Variants in LRRTM4 observed in about 807,000 individuals in gnomAD.
The protein encoded by LRRTM4 is leucine rich repeat transmembrane neuronal 4.
In LRRTM4, 25 loss-of-function variants were observed where a neutral mutation model predicts 47.6. The observed-to-expected ratio is 0.53, with a 90% CI of 0.38 to 0.73. The LOEUF is 0.73. Among genes scored for constraint, LRRTM4 ranks in the 30% least tolerant of loss-of-function variants. The pLI, the probability that LRRTM4 is intolerant of heterozygous loss-of-function variation, is 0.00. For missense variants in LRRTM4, 638 were observed against 713.4 expected, an observed-to-expected ratio of 0.89 and a Z score of 1.20; for synonymous variants, 311 against 269.5, an observed-to-expected ratio of 1.15 and a Z score of -1.51.
chr2:77,294,107 C>G (rs1415823429), intron 3 of LRRTM4, among the ~76,000 whole-genome samples: 4 of 151,994 alleles, frequency 2.6e-5, no homozygotes, highest in African/African-American at 9.7e-5. Context: ...TTTTTCTTAT[C>G]TCTGGATTGT....
rs962201708 is a variant in LRRTM4, at chr2:76,798,047, A to G, written c.1552-49131T>C. ...TCAACATTAGACAGATCAATGAGAC[A>G]GAAAGTCAACAAGGATACCCAGGAA... is the stretch of plus-strand genomic sequence containing the variant. On this transcript the variant is annotated intron_variant, in intron 3 of 3. Coordinates refer to ENST00000409884, the MANE Select transcript of LRRTM4 (RefSeq NM_001134745.3). Among the ~76,000 whole-genome samples the G allele has an allele frequency of 1.2e-4, 18 of 150,032 alleles. 1 individual carries two copies. Among genetic ancestry groups the G allele is most frequent in the Non-Finnish European group, 2.4e-4 (16 of 67,654 alleles).
Position 77,316,881 on chromosome 2 carries a change from A to G in LRRTM4, c.1551+201437T>C, listed in dbSNP as rs139751921. On this transcript the variant is annotated intron_variant, in intron 3 of 3. Coordinates refer to ENST00000409884, the MANE Select transcript of LRRTM4 (RefSeq NM_001134745.3). ...TTGAAAGGCAATTTGCCAATTAAGT[A>G]TCAGAAATCTTTAAATTGTGCCTGC... 5.6e-3 allele frequency among the ~76,000 whole-genome samples: 852 copies of G among 152,330 alleles called. 13 individuals are homozygous for G. The highest frequency in any genetic ancestry group is 0.053 in the South Asian group (255 of 4,824).
chr2:76,751,449 C>A (rs1030942259), intron 3 of LRRTM4, among the ~76,000 whole-genome samples: 7 of 152,074 alleles, frequency 4.6e-5, no homozygotes, highest in Non-Finnish European at 1.5e-5. Context: ...AAAATACATA[C>A]TAGGTCAGAG....
At chr2:76,954,000 T>C (rs112135532) in intron 3 of LRRTM4, among the ~76,000 whole-genome samples, 4,195 of 151,806 alleles carry the variant, frequency 0.028, 95 homozygotes, top group Non-Finnish European at 0.042. Flanking sequence ...ACAGAGAAAC[T>C]ACGTGCACAA....
chr2:77,094,242 G>A (rs1670745256), intron 3 of LRRTM4, among the ~76,000 whole-genome samples: 1 of 152,088 alleles, frequency 6.6e-6, no homozygotes, highest in Admixed American at 6.6e-5. Flanking sequence ...TGAAAGAGCT[G>A]TACAATCAAC....
chr2:76,966,291 A>G (rs1676021253), intron 3 of LRRTM4, among the ~76,000 whole-genome samples: 1 of 151,286 alleles, frequency 6.6e-6, no homozygotes, highest in African/African-American at 2.4e-5. Context: ...GAGGTAGAGG[A>G]GAAGAATGGG....
intron 3 of LRRTM4, among the ~76,000 whole-genome samples, chr2:76,973,498 T>C (rs1176139863): frequency 6.6e-5 from 10 of 151,960 alleles, no homozygotes; most frequent in East Asian, 3.9e-4. Flanking sequence ...ACTTTTCCCA[T>C]TGTCTAAAGT....
chr2:77,168,410 T>C (rs759030688), intron 3 of LRRTM4, among the ~76,000 whole-genome samples: 1 of 152,088 alleles, frequency 6.6e-6, no homozygotes, highest in African/African-American at 2.4e-5. Flanking sequence ...TAGTTTTTTG[T>C]TAGCTGCTTT....
In LRRTM4 at chr2:77,108,547, GTTAT is replaced by G. The variant is rs201445580; in HGVS notation, c.1552-359635_1552-359632del. Among the ~76,000 whole-genome samples, 729 of 149,988 alleles carry G rather than the reference GTTAT, an allele frequency of 4.9e-3. 5 individuals are homozygous for G. Among genetic ancestry groups the G allele is most frequent in the African/African-American group, 0.017 (681 of 40,886 alleles). On this transcript the variant is annotated intron_variant, in intron 3 of 3. Transcript: ENST00000409884. ...TTATTGTGTTCTATTTTAAGAAATA[GTTAT>G]TTAATTTTTTAAAGAACACAAACAT...
intron 3 of LRRTM4, among the ~76,000 whole-genome samples, chr2:77,340,283 A>G (rs192181760): frequency 2.8e-3 from 431 of 152,008 alleles, no homozygotes; most frequent in Non-Finnish European, 4.7e-3. Flanking sequence ...ATAGGTCCAC[A>G]ATTTATGAGT....
intron 3 of LRRTM4, among the ~76,000 whole-genome samples, chr2:77,299,039 T>A (rs1351844907): frequency 6.6e-6 from 1 of 152,082 alleles, no homozygotes; most frequent in Non-Finnish European, 1.5e-5. Context: ...CAAGAAGGTT[T>A]ACATAACGTA....
chr2:76,888,606 C>T (rs1407790536), intron 3 of LRRTM4, among the ~76,000 whole-genome samples: 1 of 151,612 alleles, frequency 6.6e-6, no homozygotes, highest in Admixed American at 6.6e-5. Flanking sequence ...TGCAATTAAC[C>T]TTATCAATGA....
intron 3 of LRRTM4, among the ~76,000 whole-genome samples, chr2:76,905,399 A>G (rs1192177144): frequency 6.6e-6 from 1 of 152,314 alleles, no homozygotes; most frequent in South Asian, 2.1e-4. Context: ...AAAGATGGGG[A>G]AAAAACAGAG....
At chr2:76,978,915 G>C (rs1676506071) in intron 3 of LRRTM4, among the ~76,000 whole-genome samples, 1 of 152,112 alleles carries the variant, frequency 6.6e-6, no homozygotes, top group Non-Finnish European at 1.5e-5. Context: ...GGAAAGTGCA[G>C]AAGCTATTTT....
chr2:77,454,523 CA>C (rs1370811031), intron 3 of LRRTM4, among the ~76,000 whole-genome samples: 3 of 151,990 alleles, frequency 2.0e-5, no homozygotes, highest in Non-Finnish European at 4.4e-5. Flanking sequence ...AACATAGAAA[CA>C]AATTTACAAA....
At chr2:76,849,318 C>T (rs1408937833) in intron 3 of LRRTM4, among the ~76,000 whole-genome samples, 2 of 152,042 alleles carry the variant, frequency 1.3e-5, no homozygotes, top group African/African-American at 2.4e-5. Context: ...TGATCCTCCT[C>T]CACCTTTTCT....
intron 3 of LRRTM4, among the ~76,000 whole-genome samples, chr2:77,258,624 C>A (rs575759055): frequency 1.3e-5 from 2 of 151,180 alleles, no homozygotes; most frequent in Admixed American, 6.6e-5. Flanking sequence ...TTCAATAAAA[C>A]AAACATGGCA....
At chr2:77,349,554 T>C (rs1487569301) in intron 3 of LRRTM4, among the ~76,000 whole-genome samples, 1 of 152,076 alleles carries the variant, frequency 6.6e-6, no homozygotes, top group Non-Finnish European at 1.5e-5. Flanking sequence ...TCGTTTGTTT[T>C]TTCATTGGGA....
At chr2:76,939,377 G>A (rs940181024) in intron 3 of LRRTM4, among the ~76,000 whole-genome samples, 2 of 152,186 alleles carry the variant, frequency 1.3e-5, no homozygotes, top group South Asian at 2.1e-4. Context: ...AAATTCAACA[G>A]TAAATGGGCA....
Sources: gnomAD v4.1 joint callset for allele counts (sites outside exome capture counted in the v4.1 genomes callset) on GRCh38, gnomAD v4.1.1 for gene constraint, MANE v1.5 for transcripts, NCBI Gene and HGNC (gene_info 2026-07-23, HGNC 2026-07-21) for gene names.